PRKCE: variants seen among roughly 807,000 people sequenced by gnomAD.
PRKCE encodes the protein protein kinase C epsilon, also known as protein kinase C epsilon type.
In PRKCE, 16 loss-of-function variants were observed where a neutral mutation model predicts 85.4. The ratio of observed to expected loss-of-function variants is 0.19; its 90% confidence interval spans 0.13 to 0.28. The LOEUF is 0.28. PRKCE is among the 10% of genes least tolerant of loss of function. The probability of loss-of-function intolerance (pLI) is 1.00; values close to 1 mark genes in which losing one functional copy is unlikely to be tolerated. For missense variants in PRKCE, 573 were observed against 975.2 expected (o/e 0.59, Z 5.49); for synonymous variants, 388 against 371.5 (o/e 1.04, Z -0.51).
chr2:46,065,946 T>C (rs1391322155), intron 10 of PRKCE, among the ~76,000 whole-genome samples: 2 of 152,218 alleles, frequency 1.3e-5, no homozygotes, highest in Non-Finnish European at 2.9e-5. Flanking sequence ...TGCTGTTTAA[T>C]TTGTCTTAAA....
intron 10 of PRKCE, among the ~76,000 whole-genome samples, chr2:46,020,128 G>T (rs900365761): frequency 2.0e-5 from 3 of 152,106 alleles, no homozygotes; most frequent in African/African-American, 7.2e-5. Context: ...AGGATTACAG[G>T]TGTGAGCCAC....
intron 1 of PRKCE, among the ~76,000 whole-genome samples, chr2:45,837,539 G>A (rs543691880): frequency 2.0e-5 from 3 of 152,290 alleles, no homozygotes; most frequent in African/African-American, 7.2e-5. Context: ...TTATAGGCAT[G>A]AGCCACCACG....
chr2:45,816,205 G>T (rs190747651), intron 1 of PRKCE, among the ~76,000 whole-genome samples: 2 of 152,278 alleles, frequency 1.3e-5, no homozygotes, highest in East Asian at 1.9e-4. Flanking sequence ...GACTTTCCCA[G>T]TGAGAGTGAT....
Position 46,155,861 on chromosome 2 carries a change from C to T in PRKCE, c.1921-3745C>T, listed in dbSNP as rs965771847. 5.3e-5 allele frequency among the ~76,000 whole-genome samples: 8 copies of T among 152,162 alleles called. No homozygotes were observed. Among genetic ancestry groups the T allele is most frequent in the Non-Finnish European group, 4.4e-5 (3 of 68,028 alleles). On this transcript the variant is annotated intron_variant, in intron 13 of 14. Transcript: ENST00000306156. The surrounding 1 kb of genome is among the most constrained non-coding windows in gnomAD (Gnocchi z 4.7). ...CTTGGTGAACTGCAGGACCTCCTAA[C>T]GGGCAGCCCTTCTTGTGTCCTTCTC...
intron 2 of PRKCE, among the ~76,000 whole-genome samples, chr2:45,975,150 A>C (rs1702361701): frequency 6.6e-6 from 1 of 151,522 alleles, no homozygotes; most frequent in East Asian, 1.9e-4. Context: ...TTCGCTTTGC[A>C]TACCTGTAAA....
At chr2:45,658,217 C>T (rs1348603059) in intron 1 of PRKCE, among the ~76,000 whole-genome samples, 1 of 152,162 alleles carries the variant, frequency 6.6e-6, no homozygotes, top group African/African-American at 2.4e-5. Context: ...CTCCCTTTCC[C>T]CTACTCCCAT....
intron 2 of PRKCE, among the ~76,000 whole-genome samples, chr2:45,869,576 G>A (rs1261587960): frequency 2.0e-5 from 3 of 152,078 alleles, no homozygotes; most frequent in African/African-American, 7.2e-5. Context: ...TCTTCCTATT[G>A]TCCTGAGCAT....
At chr2:45,744,722 C>T (rs1055708552) in intron 1 of PRKCE, among the ~76,000 whole-genome samples, 6 of 151,944 alleles carry the variant, frequency 3.9e-5, no homozygotes, top group African/African-American at 1.5e-4. Context: ...GATTCTCCTT[C>T]CTCAGCCTCC....
At chr2:45,975,847 C>G (rs941098769) in intron 2 of PRKCE, among the ~76,000 whole-genome samples, 3 of 152,132 alleles carry the variant, frequency 2.0e-5, no homozygotes, top group African/African-American at 7.2e-5. Context: ...CTTTTGACCT[C>G]TGGGAAAATG....
At position 45,855,372 on chromosome 2, in the gene PRKCE, A is replaced by G. The variant is rs115783232; in HGVS notation, c.412+12309A>G. Among the ~76,000 whole-genome samples the G allele has an allele frequency of 7.9e-5, 12 of 152,360 alleles. No homozygotes were observed. The East Asian group carries it at 2.1e-3, about 27-fold the overall frequency. ...GCTTAAAAATCTTACAAATTTAGGC[A>G]AAAATGGAAATGTTAAAATTTGAAC... is the stretch of plus-strand genomic sequence containing the variant. On this transcript the variant is annotated intron_variant, in intron 2 of 14. Transcript: ENST00000306156.
intron 1 of PRKCE, among the ~76,000 whole-genome samples, chr2:45,765,698 T>C (rs1050194708): frequency 6.6e-6 from 1 of 152,212 alleles, no homozygotes; most frequent in Non-Finnish European, 1.5e-5. Flanking sequence ...GAAATAGAAC[T>C]CTGGACTGTT....
chr2:45,993,045 GAGAGGCATTCTGGAA>G (rs540861710), intron 6 of PRKCE, among the ~76,000 whole-genome samples: 9 of 152,272 alleles, frequency 5.9e-5, no homozygotes, highest in African/African-American at 2.2e-4. Flanking sequence ...AGTGAGCACT[GAGAGGCATTCTGGAA>G]AGAGAAGCCT....
rs892407982 is a variant in PRKCE at position 45,859,301 on chromosome 2, C to T, written c.412+16238C>T. Among the ~76,000 whole-genome samples the T allele has an allele frequency of 6.6e-5, 10 of 151,754 alleles. No homozygotes were observed. The East Asian group carries it at 9.7e-4, about 15-fold the overall frequency. On this transcript the variant is annotated intron_variant, in intron 2 of 14. Transcript: ENST00000306156. ...GACAATAGTATATTATGGGGGTGTC[C>T]TTGTATCTATCTATAGTTTCTCTAG...
At chr2:45,746,589 A>C (rs1346159373) in intron 1 of PRKCE, among the ~76,000 whole-genome samples, 1 of 152,168 alleles carries the variant, frequency 6.6e-6, no homozygotes, top group African/African-American at 2.4e-5. Flanking sequence ...TGAAATGTGG[A>C]TAGTGCTACT....
chr2:46,119,328 CT>C (rs1673090657), intron 11 of PRKCE, among the ~76,000 whole-genome samples: 1 of 151,030 alleles, frequency 6.6e-6, no homozygotes, highest in Non-Finnish European at 1.5e-5. Context: ...CTTTCCTAAA[CT>C]TTGGAAACAA....
At chr2:45,863,319 G>A (rs1224632686) in intron 2 of PRKCE, among the ~76,000 whole-genome samples, 1 of 152,104 alleles carries the variant, frequency 6.6e-6, no homozygotes. Flanking sequence ...ATAAAGGTAG[G>A]AAAACTCTTT....
chr2:45,829,760 G>A (rs981685172), intron 1 of PRKCE, among the ~76,000 whole-genome samples: 2 of 152,162 alleles, frequency 1.3e-5, no homozygotes, highest in Non-Finnish European at 2.9e-5. Flanking sequence ...CTATGGAAGG[G>A]CCTAACTTTC....
intron 1 of PRKCE, among the ~76,000 whole-genome samples, chr2:45,776,781 G>A (rs1390063470): frequency 1.3e-5 from 2 of 152,172 alleles, no homozygotes; most frequent in African/African-American, 4.8e-5. Flanking sequence ...GCTGGAGGAA[G>A]GCCAGCCTCA....
chr2:45,884,999 A>T (rs201134842), intron 2 of PRKCE, among the ~76,000 whole-genome samples: 19,701 of 62,424 alleles, frequency 0.32, 3,703 homozygotes, highest in East Asian at 0.62. Context: ...ATATATATAT[A>T]TATTTGTTGT....
Sources: gnomAD v4.1 joint callset for allele counts (sites outside exome capture counted in the v4.1 genomes callset) on GRCh38, gnomAD v4.1.1 for gene constraint, Gnocchi (gnomAD v3.1) non-coding constraint, MANE v1.5 for transcripts, NCBI Gene and HGNC (gene_info 2026-07-23, HGNC 2026-07-21) for gene names.